RORA: variants seen among roughly 807,000 people sequenced by gnomAD.
The protein encoded by RORA is RAR related orphan receptor A, also known as nuclear receptor ROR-alpha.
In RORA, 7 loss-of-function variants were observed where a neutral mutation model predicts 69.5. The ratio of observed to expected loss-of-function variants is 0.10; its 90% CI spans 0.06 to 0.19. The LOEUF (loss-of-function observed/expected upper bound fraction) is 0.19, where lower values mean the gene tolerates loss of function less well. Among genes scored for constraint, RORA ranks in the 10% least tolerant of loss-of-function variants. The pLI is 1.00. For missense variants in RORA, 457 were observed against 663.0 expected (o/e 0.69, Z 3.41); for synonymous variants, 261 against 240.8 (o/e 1.08, Z -0.78).
intron 1 of RORA, among the ~76,000 whole-genome samples, chr15:61,102,281 G>T (rs912957795): frequency 1.3e-5 from 2 of 152,098 alleles, no homozygotes; most frequent in African/African-American, 4.8e-5. Context: ...ACAAGCTCAG[G>T]GGTGCCAATG....
At chr15:60,975,872 A>G (rs981657219) in intron 1 of RORA, among the ~76,000 whole-genome samples, 2 of 152,180 alleles carry the variant, frequency 1.3e-5, no homozygotes, top group African/African-American at 4.8e-5. Flanking sequence ...ATACATGTGC[A>G]TACACCCACA....
At chr15:60,975,815 C>T (rs1371233773) in intron 1 of RORA, among the ~76,000 whole-genome samples, 3 of 152,216 alleles carry the variant, frequency 2.0e-5, no homozygotes, top group Non-Finnish European at 4.4e-5. Context: ...CATGTGTCCC[C>T]TCTTACTTCA....
chr15:60,986,503 C>A (rs1257592045), intron 1 of RORA, among the ~76,000 whole-genome samples: 1 of 152,176 alleles, frequency 6.6e-6, no homozygotes, highest in Non-Finnish European at 1.5e-5. Flanking sequence ...TGTCAGTGAT[C>A]ATACCAAGTT....
At chr15:60,911,703 A>ATTT (rs60693324) in intron 1 of RORA, among the ~76,000 whole-genome samples, 26,807 of 142,838 alleles carry the variant, frequency 0.19, 2,963 homozygotes, top group Non-Finnish European at 0.25. Context: ...CGGATTTTTG[A>ATTT]TTTTTTTTTT....
rs142944724 is a variant in RORA, at chr15:60,959,691, C to A, written c.166+269362G>T. Among the ~76,000 whole-genome samples, 347 of 152,234 alleles carry A rather than the reference C, an allele frequency of 2.3e-3. 1 individual carries two copies. The highest frequency in any genetic ancestry group is 7.2e-3 in the African/African-American group (301 of 41,522). On this transcript the variant is annotated intron_variant, in intron 1 of 10. Transcript: ENST00000335670. ...AGTCATCATTTCCACATTTAGTGGG[C>A]CATGAAGTGTGACACCTTTAAACAC...
At chr15:60,635,089 T>C (rs1463501993) in intron 2 of RORA, among the ~76,000 whole-genome samples, 1 of 152,214 alleles carries the variant, frequency 6.6e-6, no homozygotes, top group African/African-American at 2.4e-5. Flanking sequence ...TTTAATGGTT[T>C]CTGTCACCCA....
chr15:61,118,547 T>A (rs979352979), intron 1 of RORA, among the ~76,000 whole-genome samples: 2 of 152,042 alleles, frequency 1.3e-5, no homozygotes, highest in Non-Finnish European at 2.9e-5. Flanking sequence ...GGACTATATA[T>A]CTCCATTTCA....
chr15:61,085,526 T>C (rs892123686), intron 1 of RORA, among the ~76,000 whole-genome samples: 1 of 152,208 alleles, frequency 6.6e-6, no homozygotes, highest in African/African-American at 2.4e-5. Flanking sequence ...TTTAATTCAG[T>C]AGGTTGGGGC....
At chr15:60,806,316 C>T (rs1200376465) in intron 1 of RORA, among the ~76,000 whole-genome samples, 1 of 152,224 alleles carries the variant, frequency 6.6e-6, no homozygotes, top group Non-Finnish European at 1.5e-5. Context: ...ATTCTGCACA[C>T]TCTGACTATA....
intron 1 of RORA, among the ~76,000 whole-genome samples, chr15:60,754,197 G>C (rs996787286): frequency 1.3e-5 from 2 of 152,168 alleles, no homozygotes; most frequent in African/African-American, 4.8e-5. Flanking sequence ...TTATTTGTCT[G>C]CTTTGAAAAT....
intron 1 of RORA, among the ~76,000 whole-genome samples, chr15:60,751,676 C>A (rs1422963313): frequency 1.3e-5 from 2 of 152,172 alleles, no homozygotes; most frequent in East Asian, 3.9e-4. Context: ...CACTGCGGGC[C>A]TGGCTTTCAC....
At chr15:61,095,676 G>C (rs142215010) in intron 1 of RORA, among the ~76,000 whole-genome samples, 264 of 152,316 alleles carry the variant, frequency 1.7e-3, no homozygotes, top group Middle Eastern at 0.01. Flanking sequence ...CTTTGCTTAA[G>C]CAAAATCTTA....
At chr15:60,628,445 T>C (rs753285489) in intron 2 of RORA, among the ~76,000 whole-genome samples, 2 of 152,168 alleles carry the variant, frequency 1.3e-5, no homozygotes, top group Non-Finnish European at 2.9e-5. Flanking sequence ...AAATCGCTGC[T>C]GCCTCAAACT....
At chr15:60,804,878 T>C (rs552919780) in intron 1 of RORA, among the ~76,000 whole-genome samples, 53 of 152,340 alleles carry the variant, frequency 3.5e-4, no homozygotes, top group African/African-American at 1.1e-3. Flanking sequence ...TCTCTTTCAA[T>C]AGAAGAAACC....
chr15:61,006,793 G>A (rs558342223), intron 1 of RORA, among the ~76,000 whole-genome samples: 3 of 152,150 alleles, frequency 2.0e-5, no homozygotes, highest in Non-Finnish European at 2.9e-5. Flanking sequence ...CCCTACTCTC[G>A]TAAGTTCTAA....
intron 1 of RORA, among the ~76,000 whole-genome samples, chr15:61,153,819 G>C (rs2079419354): frequency 6.6e-6 from 1 of 152,188 alleles, no homozygotes; most frequent in Non-Finnish European, 1.5e-5. Context: ...GAGCAAAGTT[G>C]TTATGCAAGG....
intron 1 of RORA, among the ~76,000 whole-genome samples, chr15:60,818,716 A>T (rs1041793535): frequency 3.3e-5 from 5 of 152,240 alleles, no homozygotes; most frequent in African/African-American, 4.8e-5. Flanking sequence ...ATGAAAGATT[A>T]AAAAACAAGG....
chr15:60,907,109 C>T (rs1224097607), intron 1 of RORA, among the ~76,000 whole-genome samples: 1 of 152,102 alleles, frequency 6.6e-6, no homozygotes, highest in Non-Finnish European at 1.5e-5. Flanking sequence ...TCATCATCAT[C>T]CTCAGCCCCC....
At chr15:61,031,860 A>T (rs1005427669) in intron 1 of RORA, among the ~76,000 whole-genome samples, 2 of 152,194 alleles carry the variant, frequency 1.3e-5, no homozygotes, top group Non-Finnish European at 1.5e-5. Context: ...AAAAGACTAT[A>T]TATAGAAGTT....
Sources: gnomAD v4.1 joint callset for allele counts (sites outside exome capture counted in the v4.1 genomes callset) on GRCh38, gnomAD v4.1.1 for gene constraint, MANE v1.5 for transcripts, NCBI Gene and HGNC (gene_info 2026-07-23, HGNC 2026-07-21) for gene names.